SNX29: variants seen among roughly 807,000 people sequenced by gnomAD.
The protein encoded by SNX29 is sorting nexin 29, also known as sorting nexin-29.
Under a neutral mutation model 102.1 loss-of-function variants are expected in SNX29, and 78 were observed. The ratio of observed to expected loss-of-function variants is 0.76; its 90% CI spans 0.64 to 0.92. SNX29 has a LOEUF of 0.92. Ranked by LOEUF, SNX29 falls within the 40% of genes least tolerant of loss-of-function variation. SNX29 has a pLI of 0.00. For synonymous variants in SNX29, 580 were observed against 414.5 expected, an observed-to-expected ratio of 1.40 and a Z score of -4.85; for missense variants, 1,280 against 1,061.7, an observed-to-expected ratio of 1.21 and a Z score of -2.86.
intron 18 of SNX29, among the ~76,000 whole-genome samples, chr16:12,469,896 C>T (rs1266694477): frequency 6.6e-6 from 1 of 152,090 alleles, no homozygotes; most frequent in Non-Finnish European, 1.5e-5. Flanking sequence ...TGTAATCCCA[C>T]CTACTTAGGA....
intron 19 of SNX29, among the ~76,000 whole-genome samples, chr16:12,478,432 A>G (rs1401781508): frequency 6.6e-6 from 1 of 152,194 alleles, no homozygotes; most frequent in Non-Finnish European, 1.5e-5. Flanking sequence ...TATTCACCTC[A>G]TGAAGGTTAA....
chr16:12,266,329 G>A (rs971984325), intron 14 of SNX29, among the ~76,000 whole-genome samples: 5 of 152,098 alleles, frequency 3.3e-5, no homozygotes, highest in African/African-American at 9.7e-5. Context: ...AACACCAGCC[G>A]GGCTCCCTAC....
At chr16:12,442,651 C>T (rs1392383559) in intron 18 of SNX29, among the ~76,000 whole-genome samples, 1 of 151,634 alleles carries the variant, frequency 6.6e-6, no homozygotes, top group South Asian at 2.1e-4. Flanking sequence ...AGCGCAGTGG[C>T]ACAATCATGG....
At chr16:12,489,752 T>C (rs560265247) in intron 19 of SNX29, among the ~76,000 whole-genome samples, 1 of 152,330 alleles carries the variant, frequency 6.6e-6, no homozygotes, top group African/African-American at 2.4e-5. Flanking sequence ...TTCCTTTCTT[T>C]CATTCTCTCT....
intron 18 of SNX29, among the ~76,000 whole-genome samples, chr16:12,436,659 G>A (rs779612825): frequency 2.8e-4 from 42 of 152,190 alleles, no homozygotes; most frequent in Non-Finnish European, 6.0e-4. Flanking sequence ...CTTTCTGACC[G>A]GGGGACTTTG....
chr16:12,528,130 T>C (rs566979176), intron 20 of SNX29, among the ~76,000 whole-genome samples: 7 of 152,046 alleles, frequency 4.6e-5, no homozygotes, highest in Non-Finnish European at 7.4e-5. Flanking sequence ...TGGCCTGTTA[T>C]TTATTTTTCT....
At chr16:12,527,387 A>G (rs558961153) in intron 20 of SNX29, 8 of 495,894 alleles carry the variant, frequency 1.6e-5, no homozygotes, top group Non-Finnish European at 3.1e-5. Flanking sequence ...TCTCCTGCCT[A>G]AGGAAATAAA....
intron 13 of SNX29, among the ~76,000 whole-genome samples, chr16:12,139,962 CAG>C (rs1177311621): frequency 1.9e-5 from 2 of 106,060 alleles, no homozygotes; most frequent in Non-Finnish European, 3.4e-5. Context: ...GCCTGGGAGA[CAG>C]AGAGATACCC....
chr16:12,063,327 C>T (rs115305074), intron 9 of SNX29, among the ~76,000 whole-genome samples: 1,572 of 146,662 alleles, frequency 0.011, 28 homozygotes, highest in African/African-American at 0.036. Flanking sequence ...CCTCCACTTC[C>T]TGATGGGGGT....
chr16:12,463,847 TGTGTGTGA>T (rs746437728), intron 18 of SNX29, among the ~76,000 whole-genome samples: 2,780 of 149,782 alleles, frequency 0.019, 43 homozygotes, highest in Non-Finnish European at 0.03. Context: ...TGTGTGTGTG[TGTGTGTGA>T]GAGATGACAC....
chr16:12,478,633 G>T (rs577910779), intron 19 of SNX29, among the ~76,000 whole-genome samples: 2 of 152,254 alleles, frequency 1.3e-5, no homozygotes, highest in South Asian at 4.2e-4. Context: ...GGTCTAGACC[G>T]GGCTTGGAGC....
At chr16:12,147,180 A>G (rs1383971876) in intron 13 of SNX29, among the ~76,000 whole-genome samples, 2 of 152,232 alleles carry the variant, frequency 1.3e-5, no homozygotes, top group African/African-American at 2.4e-5. Context: ...TTAGTACCCA[A>G]TGCCAGATGT....
chr16:12,546,509 G>A (rs981030436), intron 20 of SNX29: 1 of 152,194 alleles, frequency 6.6e-6, no homozygotes, highest in African/African-American at 2.4e-5. Flanking sequence ...TCGCCCCTGT[G>A]ATTCAATTAT....
chr16:12,568,384 A>T, intron 20 of SNX29, 122 bp from the exon 21 acceptor site: 1 of 1,323,210 alleles, frequency 7.6e-7, no homozygotes, highest in Non-Finnish European at 1.0e-6. Context: ...AGGCAGATCC[A>T]ATGAGCCAGT....
chr16:12,541,608 G>C (rs1331764147), intron 20 of SNX29, among the ~76,000 whole-genome samples: 1 of 152,088 alleles, frequency 6.6e-6, no homozygotes, highest in African/African-American at 2.4e-5. Context: ...TCACACTCTG[G>C]GCCACATCTC....
rs192623658 is a variant in SNX29 at position 12,571,702 on chromosome 16, G to C, written c.*3073G>C. The C allele has an allele frequency of 8.5e-6, 9 of 1,059,664 alleles. No individual in the cohort carries two copies. The African/African-American group carries it at 9.9e-5, about 12-fold the overall frequency. The allele number at this position is 1,059,664 out of a possible 1,614,324, so 65.6% of individuals were successfully genotyped here. On this transcript the variant is annotated 3_prime_UTR_variant, in exon 21 of 21. Transcript: ENST00000566228. ...TGTCTCTCCTTGAGAGACAACAAAA[G>C]CTTCTAAGGGAGGGAGCTTAAAGGC...
chr16:12,033,064 A>G (rs975147330), intron 4 of SNX29, among the ~76,000 whole-genome samples: 2 of 152,012 alleles, frequency 1.3e-5, no homozygotes, highest in Admixed American at 6.6e-5. Context: ...CACGTTGGCC[A>G]GGCTGGTCTC....
chr16:12,110,501 C>T (rs1428353152), intron 11 of SNX29, among the ~76,000 whole-genome samples: 1 of 152,158 alleles, frequency 6.6e-6, no homozygotes, highest in East Asian at 1.9e-4. Context: ...ACCTTTTGGC[C>T]TGCTGAGCCC....
intron 20 of SNX29, among the ~76,000 whole-genome samples, chr16:12,554,928 C>A (rs2078231804): frequency 6.6e-6 from 1 of 151,670 alleles, no homozygotes; most frequent in South Asian, 2.1e-4. Flanking sequence ...CTGAGGAGGG[C>A]AGCAAGCACG....
Sources: gnomAD v4.1 joint callset for allele counts (sites outside exome capture counted in the v4.1 genomes callset) on GRCh38, gnomAD v4.1.1 for gene constraint, MANE v1.5 for transcripts, NCBI Gene and HGNC (gene_info 2026-07-23, HGNC 2026-07-21) for gene names.